GPI: variants seen among roughly 807,000 people sequenced by gnomAD.
GPI encodes glucose-6-phosphate isomerase.
Under a neutral mutation model 75.8 loss-of-function variants are expected in GPI, and 56 were observed. The observed-to-expected ratio is 0.74, with a 90% confidence interval of 0.60 to 0.92. The LOEUF (loss-of-function observed/expected upper bound fraction) is 0.92, where lower values mean the gene tolerates loss of function less well. Among genes scored for constraint, GPI ranks in the 40% least tolerant of loss-of-function variants. The pLI is 0.00. For missense variants in GPI, 638 were observed against 741.0 expected (o/e 0.86, Z 1.61); for synonymous variants, 288 against 285.4 (o/e 1.01, Z -0.09).
Position 34,393,239 on chromosome 19 carries a change from C to T in GPI, c.805-9C>T, listed in dbSNP as rs781255875. 6.8e-6 allele frequency: 11 copies of T among 1,608,888 alleles called. No homozygotes were observed. In the South Asian group the frequency reaches 1.1e-4, roughly 16 times the overall value. Reference sequence around the variant, plus strand: ...GCCCTCCCTCAGCACCTTGTCCTGTCTCTCCTAGTGGGTGGGAGGACGCTA... The same window carrying T: ...GCCCTCCCTCAGCACCTTGTCCTGTTTCTCCTAGTGGGTGGGAGGACGCTA... On this transcript the variant is annotated splice_polypyrimidine_tract_variant and intron_variant, in intron 9 of 17. Transcript: ENST00000356487. The surrounding 1 kb of genome is among the most constrained non-coding windows in gnomAD (Gnocchi z 4.4).
upstream of GPI, among the ~76,000 whole-genome samples, chr19:34,361,351 A>G (rs2074300464): frequency 9.2e-5 from 14 of 151,850 alleles, no homozygotes; most frequent in Admixed American, 9.2e-4. Flanking sequence ...CTCAGCCTCC[A>G]AAAGTACTGG....
Position 34,379,117 on chromosome 19 carries a change from C to T in GPI, c.705+112C>T, listed in dbSNP as rs544097713. ...TTTCTCCTGAAGTTGGAAGTGAAGG[C>T]GGCCTTGCCGGTGCCTGCCTTTGCT... On this transcript the variant is annotated intron_variant, in intron 7 of 17. Coordinates refer to ENST00000356487, the MANE Select transcript of GPI (RefSeq NM_000175.5). 1.7e-4 allele frequency: 152 copies of T among 914,304 alleles called. 1 individual carries two copies. Among genetic ancestry groups the T allele is most frequent in the East Asian group, 1.6e-3 (68 of 41,564 alleles). The allele number at this position is 914,304 out of a possible 1,614,324, so 56.6% of individuals were successfully genotyped here.
At chr19:34,365,689 A>C (rs565281844) in intron 1 of GPI, 94 of 570,918 alleles carry the variant, frequency 1.6e-4, no homozygotes, top group African/African-American at 1.5e-3. Context: ...CCATTTGAGC[A>C]GGGGCTCCTT....
Position 34,366,418 on chromosome 19 carries a change from C to A in GPI, c.196C>A (p.Arg66=). The A allele has an allele frequency of 1.2e-6, 2 of 1,611,032 alleles. No individual in the cohort carries two copies. Among genetic ancestry groups the A allele is most frequent in the Middle Eastern group, 1.7e-4 (1 of 6,058 alleles). The part of the protein sequence containing the change: ...SKNLVTEDVM[R]MLVDLAKSRG... ...GAACCTGGTGACGGAGGACGTGATG[C>A]GGATGCTGGTGGACTTGGTAATGTT... Residue 66 remains arginine (R), a synonymous_variant, in exon 2 of 18, where the codon CGG becomes AGG. Transcript: ENST00000356487.
At chr19:34,371,506 A>G (rs1255602411) in intron 4 of GPI, among the ~76,000 whole-genome samples, 1 of 152,136 alleles carries the variant, frequency 6.6e-6, no homozygotes, top group South Asian at 2.1e-4. Context: ...ATTGGTGGGT[A>G]TGGTAAAGAC....
At chr19:34,385,590 C>G (rs1484637070) in intron 9 of GPI, among the ~76,000 whole-genome samples, 1 of 152,094 alleles carries the variant, frequency 6.6e-6, no homozygotes, top group African/African-American at 2.4e-5. Context: ...GAGCCAGGAT[C>G]AGGGCAGCTT....
intron 4 of GPI, among the ~76,000 whole-genome samples, 171 bp from the exon 5 acceptor site, chr19:34,377,332 A>T (rs200923340): frequency 0.019 from 1,215 of 62,352 alleles, 30 homozygotes; most frequent in South Asian, 0.042. Flanking sequence ...AAAAAAAAAA[A>T]AAAAATATAT....
intron 9 of GPI, among the ~76,000 whole-genome samples, chr19:34,384,921 C>T (rs1453508661): frequency 1.3e-5 from 2 of 151,314 alleles, no homozygotes; most frequent in Non-Finnish European, 2.9e-5. Flanking sequence ...TGCATGCCTA[C>T]AGTCCTAGCT....
intron 8 of GPI, 147 bp from the exon 9 acceptor site, chr19:34,381,318 AG>A: frequency 1.4e-6 from 1 of 732,598 alleles, no homozygotes; most frequent in Non-Finnish European, 2.5e-6. Flanking sequence ...CTCGACTCAC[AG>A]GCTGCTCCAG....
intron 14 of GPI, 30 bp from the exon 15 acceptor site, chr19:34,399,177 C>T (rs1178445659): frequency 6.2e-7 from 1 of 1,605,550 alleles, no homozygotes. Context: ...AGACAGTGCT[C>T]TCAAGCATAA....
intron 14 of GPI, 134 bp from the exon 15 acceptor site, chr19:34,399,073 C>T: frequency 1.4e-6 from 1 of 715,034 alleles, no homozygotes; most frequent in Non-Finnish European, 2.3e-6. Flanking sequence ...GATGTGTCCC[C>T]CTCGCTCCAA....
At position 34,365,408 on chromosome 19, in the gene GPI, G is replaced by T; in HGVS notation, c.122+20G>T. ...CTTCAGGTGCGGGCGGGCCGGAGGC[G>T]GGGGCTGCCACGCGCGGCGCCCGGA... is the stretch of plus-strand genomic sequence containing the variant. On this transcript the variant is annotated intron_variant, in intron 1 of 17. Coordinates refer to ENST00000356487, the MANE Select transcript of GPI (RefSeq NM_000175.5). 1 of 1,560,270 alleles carries T rather than the reference G, an allele frequency of 6.4e-7. No homozygotes were observed.
chr19:34,383,937 A>G (rs914847844), intron 9 of GPI, among the ~76,000 whole-genome samples: 1 of 152,176 alleles, frequency 6.6e-6, no homozygotes, highest in African/African-American at 2.4e-5. Context: ...TTAGGTGTGT[A>G]TAATGCAGCC....
At chr19:34,364,942 C>G, upstream of GPI, 1 of 1,523,722 alleles carries the variant, frequency 6.6e-7, no homozygotes, top group Non-Finnish European at 8.8e-7. Flanking sequence ...AACACCTGGG[C>G]TCCAGTGATC....
chr19:34,366,805 C>T lies in GPI; in HGVS notation c.236C>T (p.Ala79Val). The T allele has an allele frequency of 6.2e-7, 1 of 1,613,228 alleles. No individual in the cohort carries two copies. Among genetic ancestry groups the T allele is most frequent in the Non-Finnish European group, 8.5e-7 (1 of 1,179,714 alleles). ...TAGGCCAAGTCCAGGGGCGTGGAGG[C>T]CGCCCGGGAGCGGATGTTCAATGGT... ...VDLAKSRGVE[A>V]ARERMFNGEK... The change falls in exon 3 of 18, where the codon GCC becomes GTC. Residue 79 changes from alanine to valine, a missense_variant. Physicochemically the swap from Ala to Val is moderately conservative, Grantham distance 64. Coordinates refer to ENST00000356487, the MANE Select transcript of GPI (RefSeq NM_000175.5).
At position 34,400,063 on chromosome 19, in the gene GPI, G is replaced by A. The variant is rs2075000954; in HGVS notation, c.*27G>A. ...CTCGTGCTCATCTGCAGCCTCCTCTGTGACTCCCCTTTCTCTTCTCGTCCC... is the reference window on the plus strand; with the variant it reads ...CTCGTGCTCATCTGCAGCCTCCTCTATGACTCCCCTTTCTCTTCTCGTCCC... On this transcript the variant is annotated 3_prime_UTR_variant, in exon 18 of 18. Coordinates refer to ENST00000356487, the MANE Select transcript of GPI (RefSeq NM_000175.5). 1 of 1,605,368 alleles carries A rather than the reference G, an allele frequency of 6.2e-7. No individual in the cohort carries two copies. Among genetic ancestry groups the A allele is most frequent in the South Asian group, 1.1e-5 (1 of 90,994 alleles).
intron 6 of GPI, among the ~76,000 whole-genome samples, chr19:34,378,572 G>A (rs550538831): frequency 7.7e-4 from 117 of 152,160 alleles, no homozygotes; most frequent in Non-Finnish European, 1.4e-3. Context: ...GGTTTTGTTT[G>A]TTTTTATTTA....
At chr19:34,386,872 G>A (rs1458809307) in intron 9 of GPI, among the ~76,000 whole-genome samples, 1 of 152,086 alleles carries the variant, frequency 6.6e-6, no homozygotes, top group Non-Finnish European at 1.5e-5. Context: ...GTAGAACTAC[G>A]CATCTCAGCT....
At chr19:34,379,055 A>G in intron 7 of GPI, 50 bp downstream of exon 7, 1 of 1,507,008 alleles carries the variant, frequency 6.6e-7, no homozygotes, top group Non-Finnish European at 9.2e-7. Flanking sequence ...GGCTGGGAAG[A>G]GCAGGGTGGG....
Sources: allele counts gnomAD v4.1 joint callset (sites outside exome capture counted in the v4.1 genomes callset), GRCh38; gene constraint gnomAD v4.1.1; non-coding constraint Gnocchi (gnomAD v3.1); transcripts MANE v1.5; gene names NCBI Gene and HGNC (gene_info 2026-07-23, HGNC 2026-07-21).